Variants in MAGI3 observed in about 807,000 individuals in gnomAD.
MAGI3 encodes the protein membrane associated guanylate kinase, WW and PDZ domain containing 3, also known as membrane-associated guanylate kinase, WW and PDZ domain-containing protein 3.
MAGI3 carries 43 observed loss-of-function variants against 121.8 expected under a neutral mutation model. The observed-to-expected ratio is 0.35, with a 90% CI of 0.28 to 0.46. MAGI3 has a LOEUF of 0.46. MAGI3 is among the 20% of genes least tolerant of loss of function. MAGI3 has a pLI of 1.00. For synonymous variants in MAGI3, 553 were observed against 639.3 expected (o/e 0.86, Z 2.04); for missense variants, 1,547 against 1,797.3 (o/e 0.86, Z 2.52).
At chr1:113,454,276 T>G (rs1271199221) in intron 1 of MAGI3, among the ~76,000 whole-genome samples, 1 of 152,186 alleles carries the variant, frequency 6.6e-6, no homozygotes, top group Non-Finnish European at 1.5e-5. Flanking sequence ...CTTAGCTCAG[T>G]CTTTAGCCTG....
intron 1 of MAGI3, among the ~76,000 whole-genome samples, chr1:113,534,613 T>G (rs1398445598): frequency 1.3e-5 from 2 of 152,192 alleles, no homozygotes; most frequent in African/African-American, 4.8e-5. Flanking sequence ...CTTTTGTAGT[T>G]ATTTGTTTAG....
At chr1:113,412,534 G>GTT (rs1297609262) in intron 1 of MAGI3, among the ~76,000 whole-genome samples, 3 of 152,110 alleles carry the variant, frequency 2.0e-5, no homozygotes, top group East Asian at 3.9e-4. Flanking sequence ...TCCAGCACCT[G>GTT]TTGTTTCCTG....
At chr1:113,483,456 T>C (rs1656207865) in intron 1 of MAGI3, among the ~76,000 whole-genome samples, 1 of 152,198 alleles carries the variant, frequency 6.6e-6, no homozygotes, top group Non-Finnish European at 1.5e-5. Context: ...CTCTGTCCTC[T>C]GGCTTGTGAG....
At position 113,622,884 on chromosome 1, in the gene MAGI3, C is replaced by G. The variant is rs145442738; in HGVS notation, c.1250C>G (p.Thr417Arg). ...GTTCGAGCATCACTGAAAAAAAGCA[C>G]AATGGGATTTGGTTTTACTATTATT... Reference protein sequence around the residue: ...VLVRASLKKSTMGFGFTIIGG... With the variant: ...VLVRASLKKSRMGFGFTIIGG... Residue 417 changes from threonine to arginine, a missense_variant, in exon 9 of 21, where the codon ACA becomes AGA. By Grantham distance (71) the Thr-to-Arg change is moderately conservative. Transcript: ENST00000307546. The G allele has an allele frequency of 5.0e-6, 8 of 1,603,636 alleles. No homozygotes were observed. The highest frequency in any genetic ancestry group is 6.8e-6 in the Non-Finnish European group (8 of 1,176,226).
intron 1 of MAGI3, among the ~76,000 whole-genome samples, chr1:113,443,025 A>G (rs1408847681): frequency 5.9e-5 from 9 of 152,172 alleles, no homozygotes; most frequent in Non-Finnish European, 1.0e-4. Context: ...TGTTGTGGAC[A>G]TAGTAACTAC....
At chr1:113,561,870 G>A (rs1000548646) in intron 2 of MAGI3, among the ~76,000 whole-genome samples, 10 of 152,092 alleles carry the variant, frequency 6.6e-5, no homozygotes, top group Non-Finnish European at 1.2e-4. Context: ...AAATTCCACC[G>A]TTTCTGCCCA....
At chr1:113,429,824 G>T in intron 1 of MAGI3, among the ~76,000 whole-genome samples, 1 of 152,108 alleles carries the variant, frequency 6.6e-6, no homozygotes, top group Non-Finnish European at 1.5e-5. Flanking sequence ...GAGAGGTAGG[G>T]TGTTCCTTTT....
At chr1:113,575,665 G>C (rs1647583431) in intron 2 of MAGI3, among the ~76,000 whole-genome samples, 2 of 152,182 alleles carry the variant, frequency 1.3e-5, no homozygotes, top group Non-Finnish European at 2.9e-5. Flanking sequence ...GAAGGCATGG[G>C]GGTCAGGGAC....
At chr1:113,547,676 A>G (rs1399106841) in intron 1 of MAGI3, among the ~76,000 whole-genome samples, 1 of 152,240 alleles carries the variant, frequency 6.6e-6, no homozygotes, top group Non-Finnish European at 1.5e-5. Flanking sequence ...ACTATACAGT[A>G]TTGATTATAA....
At chr1:113,641,081 GAGAT>G (rs1251877516) in intron 9 of MAGI3, among the ~76,000 whole-genome samples, 3 of 47,618 alleles carry the variant, frequency 6.3e-5, no homozygotes, top group African/African-American at 1.7e-4. Context: ...TAATATATAT[GAGAT>G]ATATATTATA....
At chr1:113,522,844 A>T (rs529636132) in intron 1 of MAGI3, among the ~76,000 whole-genome samples, 1 of 152,212 alleles carries the variant, frequency 6.6e-6, no homozygotes, top group South Asian at 2.1e-4. Flanking sequence ...ACTTCAGCAC[A>T]TATCTACTAA....
intron 6 of MAGI3, among the ~76,000 whole-genome samples, chr1:113,604,880 C>T (rs1465453799): frequency 6.6e-6 from 1 of 151,282 alleles, no homozygotes; most frequent in Non-Finnish European, 1.5e-5. Context: ...ATGTACACTA[C>T]TTGGGTGATG....
chr1:113,476,869 A>G (rs1655849294), intron 1 of MAGI3, among the ~76,000 whole-genome samples: 2 of 152,186 alleles, frequency 1.3e-5, no homozygotes, highest in African/African-American at 4.8e-5. Flanking sequence ...GTCTCTTTGT[A>G]GGTCTCTTAA....
chr1:113,636,814 T>A (rs1031867927), intron 9 of MAGI3, among the ~76,000 whole-genome samples: 2 of 152,026 alleles, frequency 1.3e-5, no homozygotes, highest in Admixed American at 6.6e-5. Flanking sequence ...ATCTGTCTAA[T>A]GTTGACAGTG....
At chr1:113,540,209 A>G (rs1341739061) in intron 1 of MAGI3, among the ~76,000 whole-genome samples, 1 of 152,250 alleles carries the variant, frequency 6.6e-6, no homozygotes, top group Non-Finnish European at 1.5e-5. Context: ...TATCAGTATA[A>G]CAATCACATT....
chr1:113,574,162 GTCTTTTAATTGGGGTAT>G (rs1647480449), intron 2 of MAGI3, among the ~76,000 whole-genome samples: 1 of 152,090 alleles, frequency 6.6e-6, no homozygotes, highest in Admixed American at 6.5e-5. Context: ...GCCAGTCTGT[GTCTTTTAATTGGGGTAT>G]TCAGCCCATT....
intron 1 of MAGI3, among the ~76,000 whole-genome samples, chr1:113,522,813 G>A (rs1007554711): frequency 2.6e-5 from 4 of 152,040 alleles, no homozygotes; most frequent in Non-Finnish European, 5.9e-5. Context: ...CTACTTGAAG[G>A]TAAACTGCAT....
chr1:113,465,921 G>A (rs1655259749), intron 1 of MAGI3, among the ~76,000 whole-genome samples: 1 of 151,998 alleles, frequency 6.6e-6, no homozygotes, highest in Non-Finnish European at 1.5e-5. Context: ...GTTTTTCTGA[G>A]TATAAGATCA....
intron 2 of MAGI3, among the ~76,000 whole-genome samples, chr1:113,574,598 T>C (rs1247017724): frequency 6.6e-6 from 1 of 152,218 alleles, no homozygotes; most frequent in East Asian, 1.9e-4. Context: ...GTCTGACCTT[T>C]CTCTCTGGCT....
Sources: gnomAD v4.1 joint callset for allele counts (sites outside exome capture counted in the v4.1 genomes callset) on GRCh38, gnomAD v4.1.1 for gene constraint, MANE v1.5 for transcripts, NCBI Gene and HGNC (gene_info 2026-07-23, HGNC 2026-07-21) for gene names.